Variants in FHIT observed in about 807,000 individuals in gnomAD.
The protein encoded by FHIT is fragile histidine triad diadenosine triphosphatase.
A neutral mutation model predicts 17.9 loss-of-function variants in FHIT; 19 were observed. The observed-to-expected ratio is 1.06, with a 90% CI of 0.74 to 1.56. FHIT has a LOEUF of 1.56. Among genes scored for constraint, FHIT ranks in the 40% most tolerant of loss-of-function variants. FHIT has a pLI of 0.00. For synonymous variants in FHIT, 81 were observed against 69.7 expected (o/e 1.16, Z -0.81); for missense variants, 248 against 189.2 (o/e 1.31, Z -1.82).
intron 7 of FHIT, among the ~76,000 whole-genome samples, chr3:59,982,815 C>T (rs1249150534): frequency 1.3e-5 from 2 of 152,156 alleles, no homozygotes; most frequent in Non-Finnish European, 2.9e-5. Flanking sequence ...TGTCTTGGAA[C>T]TGGGATTCTG....
chr3:60,243,207 A>G (rs987087316), intron 5 of FHIT, among the ~76,000 whole-genome samples: 3 of 152,136 alleles, frequency 2.0e-5, no homozygotes, highest in Admixed American at 6.6e-5. Context: ...GCTCACTTGG[A>G]TAACTATCTG....
intron 5 of FHIT, among the ~76,000 whole-genome samples, chr3:60,171,191 T>A (rs936885751): frequency 6.6e-6 from 1 of 152,234 alleles, no homozygotes; most frequent in African/African-American, 2.4e-5. Flanking sequence ...GGATGCTATT[T>A]TTTTTTAAAT....
chr3:59,842,993 A>G (rs776719560), intron 8 of FHIT, among the ~76,000 whole-genome samples: 8 of 152,112 alleles, frequency 5.3e-5, no homozygotes, highest in Non-Finnish European at 7.4e-5. Flanking sequence ...ATAAAATATC[A>G]TGAGGCTTTT....
At chr3:60,228,145 A>G (rs1704305221) in intron 5 of FHIT, among the ~76,000 whole-genome samples, 1 of 152,160 alleles carries the variant, frequency 6.6e-6, no homozygotes, top group Non-Finnish European at 1.5e-5. Flanking sequence ...TTGAACTCCC[A>G]CTGTACGGCA....
intron 2 of FHIT, among the ~76,000 whole-genome samples, chr3:61,181,246 T>C (rs2038333248): frequency 6.6e-6 from 1 of 152,196 alleles, no homozygotes; most frequent in Admixed American, 6.5e-5. Context: ...AATAGTAACA[T>C]TATATTTTTC....
intron 5 of FHIT, among the ~76,000 whole-genome samples, chr3:60,422,640 G>A (rs907325994): frequency 6.6e-6 from 1 of 152,084 alleles, no homozygotes. Context: ...TTTCCCGAGT[G>A]AGGTGTTAGA....
intron 4 of FHIT, among the ~76,000 whole-genome samples, chr3:60,819,839 G>C (rs1701864717): frequency 6.6e-6 from 1 of 152,118 alleles, no homozygotes; most frequent in South Asian, 2.1e-4. Context: ...AAGGGGTTTT[G>C]GAGACATCAG....
At chr3:59,919,568 T>C (rs1367014660) in intron 8 of FHIT, among the ~76,000 whole-genome samples, 1 of 152,234 alleles carries the variant, frequency 6.6e-6, no homozygotes, top group Admixed American at 6.5e-5. Context: ...ATGAACCTTC[T>C]TATTTGTCAC....
chr3:60,695,285 A>C (rs1484148219), intron 4 of FHIT, among the ~76,000 whole-genome samples: 1 of 152,128 alleles, frequency 6.6e-6, no homozygotes, highest in African/African-American at 2.4e-5. Context: ...AATCTCAGCT[A>C]CTTGGGAGGC....
chr3:60,043,421 T>C (rs377165029), intron 5 of FHIT, among the ~76,000 whole-genome samples: 107 of 152,358 alleles, frequency 7.0e-4, no homozygotes, highest in African/African-American at 2.5e-3. Flanking sequence ...CTTACCATGA[T>C]AATTTTATGC....
chr3:60,700,130 CAA>C (rs55852235), intron 4 of FHIT, among the ~76,000 whole-genome samples: 3 of 134,488 alleles, frequency 2.2e-5, no homozygotes, highest in Non-Finnish European at 3.1e-5. Context: ...GAGTCTGTCT[CAA>C]AAAAAAAAAA....
intron 5 of FHIT, among the ~76,000 whole-genome samples, chr3:60,458,347 C>G (rs573262314): frequency 6.6e-6 from 1 of 151,216 alleles, no homozygotes; most frequent in Non-Finnish European, 1.5e-5. Context: ...AACCAAACAC[C>G]GCATGTTCTC....
intron 5 of FHIT, among the ~76,000 whole-genome samples, chr3:60,142,171 T>G (rs1700063331): frequency 6.6e-6 from 1 of 152,180 alleles, no homozygotes; most frequent in Non-Finnish European, 1.5e-5. Context: ...AAAGCCAGCC[T>G]TTATCAGCTC....
At chr3:60,466,816 G>T (rs2032819791) in intron 5 of FHIT, among the ~76,000 whole-genome samples, 1 of 128,734 alleles carries the variant, frequency 7.8e-6, no homozygotes, top group Non-Finnish European at 1.6e-5. Context: ...AGGGTTACTT[G>T]CCTGCAGTTT....
intron 5 of FHIT, among the ~76,000 whole-genome samples, chr3:60,440,546 T>A (rs2030706517): frequency 6.6e-6 from 1 of 152,206 alleles, no homozygotes; most frequent in Admixed American, 6.6e-5. Context: ...AGCAATCCTA[T>A]AAAGTACTAT....
At chr3:60,579,446 ATG>A (rs781863678) in intron 4 of FHIT, among the ~76,000 whole-genome samples, 6 of 152,272 alleles carry the variant, frequency 3.9e-5, no homozygotes, top group South Asian at 4.1e-4. Context: ...GCATGACTGT[ATG>A]TGAACATTTC....
intron 7 of FHIT, among the ~76,000 whole-genome samples, chr3:59,981,324 T>C (rs1019312543): frequency 6.6e-6 from 1 of 152,146 alleles, no homozygotes; most frequent in African/African-American, 2.4e-5. Context: ...CGCTGTCCTG[T>C]CTTGTCTAAG....
At chr3:59,866,803 G>A (rs766175901) in intron 8 of FHIT, among the ~76,000 whole-genome samples, 72 of 152,108 alleles carry the variant, frequency 4.7e-4, no homozygotes, top group Non-Finnish European at 9.4e-4. Context: ...TTAGCAAAGA[G>A]CAGCACAATA....
At chr3:61,230,782 A>T (rs1446181989) in intron 1 of FHIT, among the ~76,000 whole-genome samples, 1 of 152,204 alleles carries the variant, frequency 6.6e-6, no homozygotes, top group East Asian at 1.9e-4. Flanking sequence ...GTCAGCTCCC[A>T]TCCTATCTCA....
Sources: allele counts gnomAD v4.1 joint callset (sites outside exome capture counted in the v4.1 genomes callset), GRCh38; gene constraint gnomAD v4.1.1; transcripts MANE v1.5; gene names NCBI Gene and HGNC (gene_info 2026-07-23, HGNC 2026-07-21).